Variants in KLHL14 observed in about 807,000 individuals in gnomAD.
KLHL14 encodes the protein kelch-like protein 14.
Under a neutral mutation model 64.3 loss-of-function variants are expected in KLHL14, and 22 were observed. The ratio of observed to expected loss-of-function variants is 0.34; its 90% CI spans 0.24 to 0.49. The LOEUF is 0.49. Ranked by LOEUF, KLHL14 falls within the 20% of genes least tolerant of loss-of-function variation. The pLI is 0.99. For synonymous variants in KLHL14, 322 were observed against 333.4 expected (o/e 0.97, Z 0.37); for missense variants, 661 against 789.0 (o/e 0.84, Z 1.94).
chr18:32,705,466 C>T lies in KLHL14; in HGVS notation c.1070-9914G>A, dbSNP rs148287023. Among the ~76,000 whole-genome samples, 738 of 151,886 alleles carry T rather than the reference C, an allele frequency of 4.9e-3. 11 individuals carry two copies. The highest frequency in any genetic ancestry group is 0.029 in the South Asian group (141 of 4,820). On this transcript the variant is annotated intron_variant, in intron 3 of 8. Transcript: ENST00000359358. The stretch of plus-strand genomic sequence containing the variant: ...GACTGGGTGTGGTGGCTCATGCCTG[C>T]AATCCCAGCACTTTGGGAGGCCTAG...
intron 3 of KLHL14, among the ~76,000 whole-genome samples, chr18:32,708,068 G>A (rs998771418): frequency 6.6e-6 from 1 of 152,080 alleles, no homozygotes; most frequent in African/African-American, 2.4e-5. Flanking sequence ...TTTGAAAATC[G>A]GTGGCTGAAA....
At chr18:32,725,429 G>C (rs2050103452) in intron 3 of KLHL14, among the ~76,000 whole-genome samples, 1 of 152,190 alleles carries the variant, frequency 6.6e-6, no homozygotes, top group Non-Finnish European at 1.5e-5. Flanking sequence ...GTTTTAAGCA[G>C]AAAAATCTCA....
chr18:32,707,930 T>C (rs2049998565), intron 3 of KLHL14, among the ~76,000 whole-genome samples: 1 of 152,208 alleles, frequency 6.6e-6, no homozygotes, highest in South Asian at 2.1e-4. Flanking sequence ...GGATTCCTGA[T>C]ACAGTAGGAG....
chr18:32,682,324 T>C (rs2049844081), intron 5 of KLHL14, among the ~76,000 whole-genome samples: 1 of 152,202 alleles, frequency 6.6e-6, no homozygotes, highest in African/African-American at 2.4e-5. Flanking sequence ...AGGAAATATG[T>C]GCCTTGGAAA....
intron 3 of KLHL14, among the ~76,000 whole-genome samples, chr18:32,733,126 T>A (rs1457630769): frequency 6.6e-6 from 1 of 152,292 alleles, no homozygotes; most frequent in Admixed American, 6.5e-5. Context: ...TTCAATTTCA[T>A]CTGGTAAGGT....
intron 7 of KLHL14, among the ~76,000 whole-genome samples, chr18:32,678,635 G>A (rs1016318638): frequency 1.3e-5 from 2 of 152,180 alleles, no homozygotes; most frequent in African/African-American, 4.8e-5. Context: ...CTGTGACAAT[G>A]TTATACATGG....
At chr18:32,679,382 A>C (rs1329399992) in intron 7 of KLHL14, among the ~76,000 whole-genome samples, 1 of 152,190 alleles carries the variant, frequency 6.6e-6, no homozygotes, top group African/African-American at 2.4e-5. Context: ...AATTTCAGCG[A>C]TCATAGACTA....
intron 3 of KLHL14, chr18:32,737,357 G>C (rs1326484229): frequency 6.6e-6 from 1 of 152,102 alleles, no homozygotes; most frequent in African/African-American, 2.4e-5. Context: ...TTAGGGAACA[G>C]AAATGAACTG....
intron 3 of KLHL14, among the ~76,000 whole-genome samples, chr18:32,704,665 T>C (rs2049981704): frequency 6.6e-6 from 1 of 152,032 alleles, no homozygotes; most frequent in South Asian, 2.1e-4. Context: ...GAGGTTGCTG[T>C]GAGTCAAGAT....
intron 3 of KLHL14, among the ~76,000 whole-genome samples, chr18:32,734,488 A>G (rs1259328896): frequency 6.6e-6 from 1 of 152,222 alleles, no homozygotes; most frequent in African/African-American, 2.4e-5. Context: ...TTACCGCAGC[A>G]TAATCTAGCT....
At chr18:32,740,373 G>T (rs769747996) in intron 3 of KLHL14, among the ~76,000 whole-genome samples, 2 of 152,090 alleles carry the variant, frequency 1.3e-5, no homozygotes, top group Non-Finnish European at 2.9e-5. Context: ...TTTACTGAAG[G>T]GTGTCAAACA....
chr18:32,695,647 A>C (rs897721297), intron 3 of KLHL14, 95 bp from the exon 4 acceptor site: 1 of 747,622 alleles, frequency 1.3e-6, no homozygotes, highest in Non-Finnish European at 2.2e-6. Flanking sequence ...GAAGTGCATA[A>C]AATGTGAGAC....
At chr18:32,704,720 T>C (rs2049981984) in intron 3 of KLHL14, among the ~76,000 whole-genome samples, 1 of 151,650 alleles carries the variant, frequency 6.6e-6, no homozygotes, top group African/African-American at 2.4e-5. Context: ...TGACTCTGTC[T>C]CAAAAAAAAA....
At chr18:32,723,953 G>A (rs952849124) in intron 3 of KLHL14, among the ~76,000 whole-genome samples, 6 of 152,138 alleles carry the variant, frequency 3.9e-5, no homozygotes, top group Non-Finnish European at 7.4e-5. Context: ...CAAACAAGGA[G>A]TTAATTATTT....
At chr18:32,687,691 T>C (rs2049886279) in intron 4 of KLHL14, among the ~76,000 whole-genome samples, 1 of 152,218 alleles carries the variant, frequency 6.6e-6, no homozygotes, top group Non-Finnish European at 1.5e-5. Flanking sequence ...TTACATCTTC[T>C]TTCTTTTCAG....
In KLHL14 at chr18:32,683,222, C is replaced by T. The variant is rs147216144; in HGVS notation, c.1239-2623G>A. ...CCAAGGCGTTCTTCATGCGACACTT[C>T]GTGTGTACTCCTAGCTTTATCCACA... On this transcript the variant is annotated intron_variant, in intron 5 of 8. Transcript: ENST00000359358. The surrounding 1 kb of genome is among the most constrained non-coding windows in gnomAD (Gnocchi z 4.2). 2.8e-4 allele frequency among the ~76,000 whole-genome samples: 42 copies of T among 152,206 alleles called. No homozygotes were observed. The highest frequency in any genetic ancestry group is 5.3e-4 in the Non-Finnish European group (36 of 68,020).
At chr18:32,747,787 G>A (rs1210598270) in intron 2 of KLHL14, among the ~76,000 whole-genome samples, 1 of 152,126 alleles carries the variant, frequency 6.6e-6, no homozygotes, top group African/African-American at 2.4e-5. Flanking sequence ...AGCTTCTACT[G>A]ATTATCAATA....
At chr18:32,693,217 C>T (rs1313551592) in intron 4 of KLHL14, among the ~76,000 whole-genome samples, 5 of 152,114 alleles carry the variant, frequency 3.3e-5, no homozygotes, top group Non-Finnish European at 5.9e-5. Flanking sequence ...GCCTGCTTGC[C>T]GCAAGGTGTA....
chr18:32,752,448 G>T (rs1407074520), intron 2 of KLHL14, among the ~76,000 whole-genome samples: 4 of 152,140 alleles, frequency 2.6e-5, no homozygotes, highest in African/African-American at 9.7e-5. Context: ...ACTATGTACT[G>T]CCCTAGACCC....
Sources: gnomAD v4.1 joint callset for allele counts (sites outside exome capture counted in the v4.1 genomes callset) on GRCh38, gnomAD v4.1.1 for gene constraint, Gnocchi (gnomAD v3.1) non-coding constraint, MANE v1.5 for transcripts, NCBI Gene and HGNC (gene_info 2026-07-23, HGNC 2026-07-21) for gene names.